Variants in WEE1 observed in about 807,000 individuals in gnomAD.
WEE1 encodes the protein wee1-like protein kinase.
A neutral mutation model predicts 68.8 loss-of-function variants in WEE1; 16 were observed. The ratio of observed to expected loss-of-function variants is 0.23; its 90% confidence interval spans 0.16 to 0.35. The LOEUF is 0.35. Among genes scored for constraint, WEE1 ranks in the 10% least tolerant of loss-of-function variants. The pLI is 1.00. For missense variants in WEE1, 651 were observed against 824.1 expected (o/e 0.79, Z 2.57); for synonymous variants, 349 against 318.7 (o/e 1.09, Z -1.01).
intron 5 of WEE1, chr11:9,580,593 G>T (rs550412547): frequency 9.5e-4 from 145 of 151,874 alleles, no homozygotes; most frequent in African/African-American, 3.3e-3. Context: ...GAGTAGCTGG[G>T]ATTACAGGTG....
Position 9,581,421 on chromosome 11 carries a change from A to G in WEE1, c.1142-111A>G, listed in dbSNP as rs186750659. 6.7e-5 allele frequency: 71 copies of G among 1,066,938 alleles called. No homozygotes were observed. In the African/African-American group the frequency reaches 9.3e-4, roughly 14 times the overall value. The allele number at this position is 1,066,938 out of a possible 1,614,324, so 66.1% of individuals were successfully genotyped here. On this transcript the variant is annotated intron_variant, in intron 5 of 10. Coordinates refer to ENST00000450114, the MANE Select transcript of WEE1 (RefSeq NM_003390.4). ...GCAGGTTGAAGGGAGAAGGTCCTAT[A>G]AAATAACACTTTCTTGGTTGAGATT...
chr11:9,576,370 G>A lies in WEE1; in HGVS notation c.846+77G>A, dbSNP rs375707971. 3.6e-5 allele frequency: 56 copies of A among 1,535,622 alleles called. No homozygotes were observed. Among genetic ancestry groups the A allele is most frequent in the East Asian group, 3.5e-4 (15 of 42,504 alleles). The stretch of plus-strand genomic sequence containing the variant: ...AAGCATGCTATGAATATGTTAATAA[G>A]CATTAACACATAAGGTAGAATGGTT... On this transcript the variant is annotated intron_variant, in intron 3 of 10. Transcript: ENST00000450114. This position sits in a 1 kb window ranked among gnomAD's most constrained non-coding sequence, Gnocchi z 4.3.
rs542440623 is a variant in WEE1 at position 9,576,903 on chromosome 11, G to T, written c.1020-239G>T. The stretch of plus-strand genomic sequence containing the variant: ...GCATCCATGAATTCACAGTAAAATG[G>T]AGTTTATTCTTACCTGAGTCCTAGG... On this transcript the variant is annotated intron_variant, in intron 4 of 10. Coordinates refer to ENST00000450114, the MANE Select transcript of WEE1 (RefSeq NM_003390.4). This position sits in a 1 kb window ranked among gnomAD's most constrained non-coding sequence, Gnocchi z 4.3. Among the ~76,000 whole-genome samples the T allele has an allele frequency of 2.6e-5, 4 of 152,188 alleles. No individual in the cohort carries two copies. In the South Asian group the frequency reaches 8.3e-4, roughly 32 times the overall value.
chr11:9,581,521 ATCTT>A lies in WEE1; in HGVS notation c.1142-9_1142-6del. 1 of 1,582,078 alleles carries A rather than the reference ATCTT, an allele frequency of 6.3e-7. No homozygotes were observed. The highest frequency in any genetic ancestry group is 8.5e-7 in the Non-Finnish European group (1 of 1,170,028). Reference sequence around the variant, plus strand: ...AAAGAAGAAAATGCTAATATTTTCTATCTTTGTTAGGTGGAAGTTTAGCTGATGC... The same window carrying A: ...AAAGAAGAAAATGCTAATATTTTCTATGTTAGGTGGAAGTTTAGCTGATGC... On this transcript the variant is annotated splice_polypyrimidine_tract_variant and splice_region_variant and intron_variant, in intron 5 of 10. Transcript: ENST00000450114.
At chr11:9,587,717 C>T (rs1849717159) in intron 10 of WEE1, among the ~76,000 whole-genome samples, 1 of 152,120 alleles carries the variant, frequency 6.6e-6, no homozygotes, top group African/African-American at 2.4e-5. Context: ...CCACAGATCA[C>T]ATTTCTAATT....
chr11:9,575,308 C>T, intron 1 of WEE1: 1 of 987,262 alleles, frequency 1.0e-6, no homozygotes, highest in Non-Finnish European at 1.2e-6. Flanking sequence ...GATTTTAAAG[C>T]TGATACTTCC....
chr11:9,583,759 GCGCACACACA>G (rs1211896038), intron 6 of WEE1, among the ~76,000 whole-genome samples: 436 of 41,388 alleles, frequency 0.011, 10 homozygotes, highest in South Asian at 0.032. Context: ...GTGCACGCGC[GCGCACACACA>G]CACACACACA....
Position 9,585,362 on chromosome 11 carries a change from G to A in WEE1, c.1384+9G>A. ...AGTTATGTTTAAAATAGGTAAGAAA[G>A]GTAATCAGATTATTACCTTCAGATA... On this transcript the variant is annotated intron_variant, in intron 7 of 10. Coordinates refer to ENST00000450114, the MANE Select transcript of WEE1 (RefSeq NM_003390.4). 1.2e-6 allele frequency: 2 copies of A among 1,612,664 alleles called. No homozygotes were observed. Among genetic ancestry groups the A allele is most frequent in the Non-Finnish European group, 1.7e-6 (2 of 1,179,158 alleles).
At chr11:9,583,320 GAA>G (rs1327764629) in intron 6 of WEE1, among the ~76,000 whole-genome samples, 3 of 141,638 alleles carry the variant, frequency 2.1e-5, no homozygotes, top group African/African-American at 5.2e-5. Context: ...CTCAAAAAAA[GAA>G]AAAAAAAATT....
intron 6 of WEE1, among the ~76,000 whole-genome samples, chr11:9,584,342 C>T (rs1360219965): frequency 1.3e-5 from 2 of 151,934 alleles, no homozygotes; most frequent in South Asian, 2.1e-4. Context: ...GACAGGGTCT[C>T]ACTATCTTGC....
At chr11:9,587,689 T>C (rs2134359152) in intron 10 of WEE1, among the ~76,000 whole-genome samples, 1 of 152,332 alleles carries the variant, frequency 6.6e-6, no homozygotes, top group African/African-American at 2.4e-5. Context: ...AAAGAGAATA[T>C]TGGAGAATAT....
In WEE1 at chr11:9,588,693, G is replaced by A. The variant is rs542331153; in HGVS notation, c.*91G>A. On this transcript the variant is annotated 3_prime_UTR_variant, in exon 11 of 11. Transcript: ENST00000450114. Reference sequence around the variant, plus strand: ...GAATCCAGTTTGCAATTACTTTCTCGATTGGTGTCAGTAGTTTTACTGATT... The same window carrying A: ...GAATCCAGTTTGCAATTACTTTCTCAATTGGTGTCAGTAGTTTTACTGATT... 5.7e-6 allele frequency: 8 copies of A among 1,401,780 alleles called. No individual in the cohort carries two copies. Among genetic ancestry groups the A allele is most frequent in the South Asian group, 3.6e-5 (2 of 56,118 alleles). 86.8% of individuals were successfully genotyped at this position (1,401,780 alleles called of 1,614,324 possible).
In WEE1 at chr11:9,585,309, G is replaced by C. The variant is rs751525556; in HGVS notation, c.1340G>C (p.Gly447Ala). ...ATCCCAAATGCTGCCTCTGAAGAAG[G>C]AGACGAAGATGATTGGGCATCCAAC... ...TSIPNAASEE[G>A]DEDDWASNKV... is the part of the protein sequence containing the mutation. The change falls in exon 7 of 11, where the codon GGA (glycine) becomes GCA (alanine). Residue 447 changes from glycine (G) to alanine (A), a missense_variant. Gly to Ala is a moderately conservative substitution (Grantham distance 60, BLOSUM62 0). Transcript: ENST00000450114. 1.9e-6 allele frequency: 3 copies of C among 1,614,010 alleles called. No individual in the cohort carries two copies. Among genetic ancestry groups the C allele is most frequent in the East Asian group, 4.5e-5 (2 of 44,886 alleles).
chr11:9,582,702 G>T (rs1849641512), intron 6 of WEE1, among the ~76,000 whole-genome samples: 1 of 152,048 alleles, frequency 6.6e-6, no homozygotes, highest in Non-Finnish European at 1.5e-5. Flanking sequence ...GAGTAGCTGG[G>T]ATTACAGGCA....
At chr11:9,586,908 C>A in intron 10 of WEE1, 52 bp downstream of exon 10, 1 of 1,532,798 alleles carries the variant, frequency 6.5e-7, no homozygotes. Flanking sequence ...CTTTAATTCT[C>A]AAATTTTAAT....
At chr11:9,575,469 G>A (rs1589976349) in intron 1 of WEE1, 5 of 954,700 alleles carry the variant, frequency 5.2e-6, no homozygotes, top group Non-Finnish European at 6.4e-6. Context: ...ACTTGCTCAA[G>A]GCAAAATCCC....
Position 9,589,771 on chromosome 11 carries a change from T to C in WEE1, c.*1169T>C. 4 of 909,982 alleles carry C rather than the reference T, an allele frequency of 4.4e-6. No homozygotes were observed. In the South Asian group the frequency reaches 2.0e-4, roughly 46 times the overall value. 56.4% of individuals were successfully genotyped at this position (909,982 alleles called of 1,614,324 possible). ...GAGCTTACCTTAATTGTCTAAATCC[T>C]TGTGATGCCTGTTTTCTAATATTTT... On this transcript the variant is annotated 3_prime_UTR_variant, in exon 11 of 11. Transcript: ENST00000450114.
intron 6 of WEE1, among the ~76,000 whole-genome samples, chr11:9,583,070 C>T (rs542914258): frequency 4.6e-5 from 7 of 152,152 alleles, no homozygotes; most frequent in African/African-American, 1.7e-4. Flanking sequence ...AATCCCAGCA[C>T]TCTGGCAGGC....
chr11:9,578,200 T>C (rs997725152), intron 5 of WEE1: 5 of 240,610 alleles, frequency 2.1e-5, no homozygotes, highest in Non-Finnish European at 3.3e-5. Flanking sequence ...TAGAGTTTAG[T>C]GAACACTTGA....
Sources: gnomAD v4.1 joint callset for allele counts (sites outside exome capture counted in the v4.1 genomes callset) on GRCh38, gnomAD v4.1.1 for gene constraint, Gnocchi (gnomAD v3.1) non-coding constraint, MANE v1.5 for transcripts, NCBI Gene and HGNC (gene_info 2026-07-23, HGNC 2026-07-21) for gene names.